The following PUM1 variants were observed in gnomAD, a reference collection of about 807,000 sequenced individuals.
The protein encoded by PUM1 is pumilio homolog 1.
Under a neutral mutation model 131.8 loss-of-function variants are expected in PUM1, and 13 were observed. The observed-to-expected ratio is 0.10, with a 90% CI of 0.06 to 0.16. PUM1 has a LOEUF of 0.16. Among genes scored for constraint, PUM1 ranks in the 10% least tolerant of loss-of-function variants. The pLI is 1.00. For synonymous variants in PUM1, 509 were observed against 556.5 expected (o/e 0.91, Z 1.20); for missense variants, 961 against 1,512.4 (o/e 0.64, Z 6.05).
At chr1:31,057,086 C>A (rs1644257863) in intron 2 of PUM1, among the ~76,000 whole-genome samples, 1 of 152,154 alleles carries the variant, frequency 6.6e-6, no homozygotes, top group Non-Finnish European at 1.5e-5. Context: ...AGCCACTGCA[C>A]CCAGCCTGTC....
intron 3 of PUM1, among the ~76,000 whole-genome samples, chr1:31,016,796 CTT>C (rs1361817624): frequency 1.3e-5 from 2 of 152,170 alleles, no homozygotes; most frequent in African/African-American, 4.8e-5. Flanking sequence ...CAAAATGCCT[CTT>C]TTGGCTGAAA....
rs530025749 is a variant in PUM1, at chr1:31,023,960, C to G, written c.432+4836G>C. 2.1e-5 allele frequency among the ~76,000 whole-genome samples: 3 copies of G among 144,718 alleles called. No individual in the cohort carries two copies. In the East Asian group the frequency reaches 6.1e-4, roughly 29 times the overall value. 94.9% of individuals were successfully genotyped at this position (144,718 alleles called of 152,430 possible). A position where few individuals can be genotyped will look rare whatever the true frequency, so the allele number is the denominator to read the frequency against. On this transcript the variant is annotated intron_variant, in intron 3 of 21. Transcript: ENST00000426105. ...AAAAAAAAACCCCAATGAAAAGTTA[C>G]AAAATCTCTAAATCACAGGGGGGAA...
intron 14 of PUM1, among the ~76,000 whole-genome samples, chr1:30,963,205 G>A (rs577231181): frequency 2.0e-5 from 3 of 152,152 alleles, no homozygotes; most frequent in African/African-American, 7.2e-5. Flanking sequence ...CCAGGTCAGT[G>A]AACATTACTT....
chr1:31,038,956 TTTTATATATATATA>T (rs1262471104), intron 2 of PUM1, among the ~76,000 whole-genome samples: 3 of 42,530 alleles, frequency 7.1e-5, no homozygotes, highest in Admixed American at 4.9e-4. Flanking sequence ...TGTTTTAAAA[TTTTATATATATATA>T]TATATATATA....
At chr1:31,003,034 G>T (rs1416491374) in intron 5 of PUM1, among the ~76,000 whole-genome samples, 3 of 152,198 alleles carry the variant, frequency 2.0e-5, no homozygotes, top group African/African-American at 7.2e-5. Context: ...TGTTGTCAGT[G>T]TGTTAAGAAT....
intron 7 of PUM1, 88 bp downstream of exon 7, chr1:30,992,302 C>T: frequency 6.6e-7 from 1 of 1,520,488 alleles, no homozygotes; most frequent in Non-Finnish European, 8.9e-7. Context: ...ACAATGCCAC[C>T]ACCTCCCCCA....
At chr1:30,971,833 C>T (rs1005144475) in intron 10 of PUM1, among the ~76,000 whole-genome samples, 2 of 152,230 alleles carry the variant, frequency 1.3e-5, no homozygotes, top group Non-Finnish European at 2.9e-5. Context: ...TTCTTGTTCA[C>T]TGTATTAGAC....
At chr1:30,980,304 A>C in intron 8 of PUM1, 141 bp from the exon 9 acceptor site, 1 of 688,294 alleles carries the variant, frequency 1.5e-6, no homozygotes. Context: ...GTTGAGGGTA[A>C]AGAGAAATTT....
intron 5 of PUM1, among the ~76,000 whole-genome samples, chr1:31,000,265 A>C (rs904669630): frequency 6.6e-6 from 1 of 152,248 alleles, no homozygotes; most frequent in Non-Finnish European, 1.5e-5. Context: ...TAAATGAAAA[A>C]GGCTTAACAG....
At position 30,932,025 on chromosome 1, in the gene PUM1, A is replaced by G. The variant is rs528662241; in HGVS notation, c.*1186T>C. On this transcript the variant is annotated 3_prime_UTR_variant, in exon 22 of 22. Transcript: ENST00000426105. ...AAAACCAAGCTATTTTTTTCTTTTT[A>G]AACATTAACTAGGCTGTATAAAGAA... 9 of 152,764 alleles carry G rather than the reference A, an allele frequency of 5.9e-5. No homozygotes were observed. The highest frequency in any genetic ancestry group is 5.2e-4 in the Admixed American group (8 of 15,312). 9.5% of individuals were successfully genotyped at this position (152,764 alleles called of 1,614,324 possible).
rs1640555712 is a variant in PUM1 at position 30,964,878 on chromosome 1, G to A, written c.2119C>T (p.Arg707Cys). The A allele has an allele frequency of 6.2e-7, 1 of 1,613,524 alleles. No individual in the cohort carries two copies. ...TCACTGCTGCCAGTCAGGGAGTCACGGCGGGAGCCACTGCCAGTGTTGGAG... is the reference window on the plus strand; with the variant it reads ...TCACTGCTGCCAGTCAGGGAGTCACAGCGGGAGCCACTGCCAGTGTTGGAG... ...ANSNTGSGSR[R>C]DSLTGSSDLY... The change falls in exon 14 of 22, where the codon CGT becomes TGT. Residue 707 changes from arginine to cysteine, a missense_variant. Transcript: ENST00000426105.
At chr1:30,973,605 A>G (rs1406849780) in intron 10 of PUM1, among the ~76,000 whole-genome samples, 1 of 152,258 alleles carries the variant, frequency 6.6e-6, no homozygotes, top group African/African-American at 2.4e-5. Context: ...TTAAAAGAAC[A>G]CTAAATAACA....
intron 7 of PUM1, among the ~76,000 whole-genome samples, chr1:30,982,922 GTTTT>G (rs530919182): frequency 6.6e-6 from 1 of 151,970 alleles, no homozygotes; most frequent in Non-Finnish European, 1.5e-5. Flanking sequence ...AAATACTTTA[GTTTT>G]TTTTGTTTTG....
At chr1:30,951,763 A>G (rs1167413295) in intron 16 of PUM1, among the ~76,000 whole-genome samples, 2 of 152,258 alleles carry the variant, frequency 1.3e-5, no homozygotes, top group African/African-American at 4.8e-5. Flanking sequence ...AGGCCAAACG[A>G]TCAGCCAAGA....
chr1:30,992,627 A>G lies in PUM1; in HGVS notation c.921T>C (p.Asn307=), dbSNP rs1212771211. 1.2e-6 allele frequency: 2 copies of G among 1,613,972 alleles called. No homozygotes were observed. The highest frequency in any genetic ancestry group is 1.7e-6 in the Non-Finnish European group (2 of 1,179,962). The stretch of plus-strand genomic sequence containing the variant: ...GGTTTGGACCCAGAAGATCCACTTC[A>G]TTAGCAGAGTTCTGGCAATTACCAG... The part of the protein sequence containing the change: ...RTPGNCQNSA[N]EVDLLGPNQN... Residue 307 remains asparagine (N), a synonymous_variant, in exon 7 of 22, where the codon AAT becomes AAC. Transcript: ENST00000426105.
rs1438878401 is a variant in PUM1 at position 31,065,657 on chromosome 1, C to A, written c.-53G>T. On this transcript the variant is annotated 5_prime_UTR_variant, in exon 1 of 22. Coordinates refer to ENST00000426105, the MANE Select transcript of PUM1 (RefSeq NM_001020658.2). ...TGAAGATGGATTTCAGCCCCCCGAT[C>A]TTCTCTCTCTGGCGCTCTCGCTCCC... 47 of 1,549,692 alleles carry A rather than the reference C, an allele frequency of 3.0e-5. No individual in the cohort carries two copies. Among genetic ancestry groups the A allele is most frequent in the Non-Finnish European group, 3.7e-5 (43 of 1,146,850 alleles).
Position 30,945,483 on chromosome 1 carries a change from T to C in PUM1, c.2857A>G (p.Asn953Asp), listed in dbSNP as rs1282699245. 12 of 1,613,972 alleles carry C rather than the reference T, an allele frequency of 7.4e-6. No homozygotes were observed. Among genetic ancestry groups the C allele is most frequent in the Non-Finnish European group, 1.0e-5 (12 of 1,179,978 alleles). ...CCATCTAGTTCCCGAACCATCTCAT[T>C]CTAATGGAGACAAAGAAAGCACCAC... ...EFIPSDQQVI[N>D]EMVRELDGHV... The change falls in exon 18 of 22, where the codon AAT becomes GAT. Residue 953 changes from asparagine (N) to aspartate (D), a missense_variant and splice_region_variant. Coordinates refer to ENST00000426105, the MANE Select transcript of PUM1 (RefSeq NM_001020658.2).
chr1:31,011,302 CT>C (rs1284921831), intron 3 of PUM1, among the ~76,000 whole-genome samples: 1 of 152,024 alleles, frequency 6.6e-6, no homozygotes, highest in East Asian at 1.9e-4. Context: ...TGAAACACTT[CT>C]TTAGGAGTCT....
chr1:30,983,728 C>CT (rs1641440709), intron 7 of PUM1, among the ~76,000 whole-genome samples: 1 of 151,514 alleles, frequency 6.6e-6, no homozygotes, highest in African/African-American at 2.4e-5. Context: ...CCTCAGCCTC[C>CT]AAGTAGCTGC....
Sources: gnomAD v4.1 joint callset for allele counts (sites outside exome capture counted in the v4.1 genomes callset) on GRCh38, gnomAD v4.1.1 for gene constraint, MANE v1.5 for transcripts, NCBI Gene and HGNC (gene_info 2026-07-23, HGNC 2026-07-21) for gene names.